CUX2: variants seen among roughly 807,000 people sequenced by gnomAD.
CUX2 encodes cut like homeobox 2.
Under a neutral mutation model 144.8 loss-of-function variants are expected in CUX2, and 40 were observed. The observed-to-expected ratio is 0.28, with a 90% confidence interval of 0.21 to 0.36. The LOEUF is 0.36. Among genes scored for constraint, CUX2 ranks in the 10% least tolerant of loss-of-function variants. CUX2 has a pLI of 1.00. For synonymous variants in CUX2, 827 were observed against 875.6 expected (o/e 0.94, Z 0.98); for missense variants, 1,615 against 1,994.0 (o/e 0.81, Z 3.62).
chr12:111,338,202 C>A, intron 19 of CUX2, 84 bp from the exon 20 acceptor site: 1 of 1,410,676 alleles, frequency 7.1e-7, no homozygotes. Flanking sequence ...TCCCCTGTGT[C>A]TCTGGCCTAT....
chr12:111,293,617 C>G lies in CUX2; in HGVS notation c.560+48C>G. 1 of 1,540,898 alleles carries G rather than the reference C, an allele frequency of 6.5e-7. No individual in the cohort carries two copies. Among genetic ancestry groups the G allele is most frequent in the Non-Finnish European group, 8.8e-7 (1 of 1,141,216 alleles). ...GAGGGAGGAAGGAATGGGCAGGGCT[C>G]CTGCTGCCCCACCTGGCTGGGTCGT... is the stretch of plus-strand genomic sequence containing the variant. On this transcript the variant is annotated intron_variant, in intron 6 of 21. Coordinates refer to ENST00000261726, the MANE Select transcript of CUX2 (RefSeq NM_015267.4). The surrounding 1 kb of genome is among the most constrained non-coding windows in gnomAD (Gnocchi z 4.5).
At chr12:111,299,871 A>G (rs2136348726) in intron 9 of CUX2, among the ~76,000 whole-genome samples, 1 of 152,106 alleles carries the variant, frequency 6.6e-6, no homozygotes, top group South Asian at 2.1e-4. Context: ...CAAGCCCACG[A>G]ATATATCTTT....
chr12:111,121,380 T>C (rs1425943198), intron 1 of CUX2, among the ~76,000 whole-genome samples: 291 of 134,192 alleles, frequency 2.2e-3, no homozygotes, highest in African/African-American at 8.0e-3. Context: ...TTTTTTTTTT[T>C]TTTTTTTTTT....
chr12:111,142,663 T>G lies in CUX2; in HGVS notation c.64-71537T>G, dbSNP rs143735233. On this transcript the variant is annotated intron_variant, in intron 1 of 21. Coordinates refer to ENST00000261726, the MANE Select transcript of CUX2 (RefSeq NM_015267.4). ...TCGGTTCCTTTTGTTAACAGCAAAA[T>G]ATGTAGAACTGATGGAAAAACTGAC... 4.4e-3 allele frequency among the ~76,000 whole-genome samples: 671 copies of G among 152,174 alleles called. 7 individuals carry two copies. The highest frequency in any genetic ancestry group is 0.015 in the African/African-American group (627 of 41,522).
In CUX2 at chr12:111,305,890, G is replaced by A. The variant is rs547321686; in HGVS notation, c.859-1031G>A. On this transcript the variant is annotated intron_variant, in intron 10 of 21. Transcript: ENST00000261726. ...CTCTTTGATGCGTGTGTATTTGTGT[G>A]TGTGTGTCAGCATATTTGGGAAACT... 3.1e-4 allele frequency among the ~76,000 whole-genome samples: 47 copies of A among 152,266 alleles called. 1 individual carries two copies. Among genetic ancestry groups the A allele is most frequent in the African/African-American group, 1.1e-3 (46 of 41,558 alleles).
intron 1 of CUX2, among the ~76,000 whole-genome samples, chr12:111,062,536 C>T (rs1413830386): frequency 6.6e-6 from 1 of 152,220 alleles, no homozygotes; most frequent in Non-Finnish European, 1.5e-5. Flanking sequence ...TCAGCACCTA[C>T]TGTGGGCCTG....
intron 1 of CUX2, among the ~76,000 whole-genome samples, chr12:111,036,473 G>A (rs546519490): frequency 4.7e-4 from 71 of 152,282 alleles, no homozygotes; most frequent in African/African-American, 1.6e-3. Context: ...CCAGCTGGAC[G>A]CCCATTAATC....
chr12:111,180,987 A>G (rs1879131838), intron 1 of CUX2, among the ~76,000 whole-genome samples: 1 of 152,244 alleles, frequency 6.6e-6, no homozygotes, highest in Admixed American at 6.5e-5. Flanking sequence ...AATTGCCTTC[A>G]TACTACAGGG....
chr12:111,183,045 G>A (rs1879289504), intron 1 of CUX2, among the ~76,000 whole-genome samples: 1 of 152,226 alleles, frequency 6.6e-6, no homozygotes, highest in Admixed American at 6.5e-5. Flanking sequence ...TTTGGGAGAT[G>A]CAGAAACTGA....
chr12:111,343,582 CCT>C (rs1291570868), intron 21 of CUX2, among the ~76,000 whole-genome samples: 1 of 152,134 alleles, frequency 6.6e-6, no homozygotes, highest in African/African-American at 2.4e-5. Context: ...CTCAGCATCT[CCT>C]CTCTCCTGGG....
At chr12:111,301,632 G>C (rs963929851) in intron 9 of CUX2, among the ~76,000 whole-genome samples, 1 of 152,034 alleles carries the variant, frequency 6.6e-6, no homozygotes, top group African/African-American at 2.4e-5. Context: ...ATCCTCCCAA[G>C]TAGCAAGGAC....
chr12:111,115,493 G>A (rs1874242373), intron 1 of CUX2, among the ~76,000 whole-genome samples: 1 of 151,944 alleles, frequency 6.6e-6, no homozygotes, highest in Admixed American at 6.6e-5. Context: ...CACCATGTTA[G>A]CCAGGATGGT....
chr12:111,200,693 G>A (rs116152863), intron 1 of CUX2, among the ~76,000 whole-genome samples: 4 of 152,132 alleles, frequency 2.6e-5, no homozygotes, highest in East Asian at 1.9e-4. Context: ...CATGATGTAC[G>A]TATAGGATGC....
chr12:111,047,215 A>C (rs922690163), intron 1 of CUX2, among the ~76,000 whole-genome samples: 1 of 152,164 alleles, frequency 6.6e-6, no homozygotes, highest in African/African-American at 2.4e-5. Context: ...TGGGGCTGAT[A>C]ATAAGCAGGT....
intron 4 of CUX2, among the ~76,000 whole-genome samples, chr12:111,271,350 T>C (rs1047629988): frequency 2.0e-5 from 3 of 152,366 alleles, no homozygotes; most frequent in African/African-American, 4.8e-5. Context: ...GATTTTTCCC[T>C]GTGTACTTTT....
Position 111,177,634 on chromosome 12 carries a change from G to A in CUX2, c.64-36566G>A, listed in dbSNP as rs56113455. On this transcript the variant is annotated intron_variant, in intron 1 of 21. Transcript: ENST00000261726. ...TCGAACTCCTGACCTCAAGTGATCC[G>A]CCTGCCTCAACTTCCCAAAGTGCTG... 8.6e-3 allele frequency among the ~76,000 whole-genome samples: 1,311 copies of A among 152,264 alleles called. 17 individuals carry two copies. The highest frequency in any genetic ancestry group is 0.027 in the African/African-American group (1,142 of 41,550).
chr12:111,103,289 G>A (rs908525705), intron 1 of CUX2, among the ~76,000 whole-genome samples: 27 of 152,192 alleles, frequency 1.8e-4, no homozygotes, highest in African/African-American at 5.6e-4. Flanking sequence ...TAAACAGGGC[G>A]CCTGATGGAA....
At chr12:111,159,230 C>A (rs983273281) in intron 1 of CUX2, among the ~76,000 whole-genome samples, 6 of 152,174 alleles carry the variant, frequency 3.9e-5, no homozygotes, top group African/African-American at 1.4e-4. Flanking sequence ...CGCTGCAACC[C>A]CAGCCACCTG....
At chr12:111,249,964 C>G (rs1883486121) in intron 3 of CUX2, among the ~76,000 whole-genome samples, 1 of 152,172 alleles carries the variant, frequency 6.6e-6, no homozygotes. Flanking sequence ...TGAGGGGCCA[C>G]TCTTTGTGTT....
Sources: gnomAD v4.1 joint callset for allele counts (sites outside exome capture counted in the v4.1 genomes callset) on GRCh38, gnomAD v4.1.1 for gene constraint, Gnocchi (gnomAD v3.1) non-coding constraint, MANE v1.5 for transcripts, NCBI Gene and HGNC (gene_info 2026-07-23, HGNC 2026-07-21) for gene names.